The following PTPRN2 variants were observed in gnomAD, a reference collection of about 807,000 sequenced individuals.
PTPRN2 encodes the protein receptor-type tyrosine-protein phosphatase N2.
A neutral mutation model predicts 118.8 loss-of-function variants in PTPRN2; 74 were observed. That is an observed-to-expected ratio of 0.62 (90% confidence interval 0.52 to 0.76). PTPRN2 has a LOEUF of 0.76. Ranked by LOEUF, PTPRN2 falls within the 30% of genes least tolerant of loss-of-function variation. PTPRN2 has a pLI of 0.00. For missense variants in PTPRN2, 1,481 were observed against 1,394.4 expected (o/e 1.06, Z -0.99); for synonymous variants, 641 against 608.0 (o/e 1.05, Z -0.80).
chr7:158,319,825 T>TCA (rs1230189338), intron 2 of PTPRN2, among the ~76,000 whole-genome samples: 90 of 3,710 alleles, frequency 0.024, 37 homozygotes, highest in African/African-American at 0.17. Flanking sequence ...TCACACACAC[T>TCA]CAGTCTCCCT....
At chr7:157,600,569 T>C (rs1489445811) in intron 16 of PTPRN2, among the ~76,000 whole-genome samples, 1 of 152,170 alleles carries the variant, frequency 6.6e-6, no homozygotes, top group East Asian at 1.9e-4. Flanking sequence ...CCACCATGCC[T>C]GGCTAGTTTC....
At chr7:157,829,305 CA>C (rs1413515955) in intron 12 of PTPRN2, among the ~76,000 whole-genome samples, 1 of 152,246 alleles carries the variant, frequency 6.6e-6, no homozygotes, top group East Asian at 1.9e-4. Flanking sequence ...CACGGTGGCG[CA>C]AAAGAGATGA....
At chr7:158,317,677 G>A (rs1802447948) in intron 2 of PTPRN2, among the ~76,000 whole-genome samples, 2 of 152,180 alleles carry the variant, frequency 1.3e-5, no homozygotes, top group African/African-American at 2.4e-5. Flanking sequence ...TAATTCAGGC[G>A]CTACTGCTTC....
intron 14 of PTPRN2, among the ~76,000 whole-genome samples, chr7:157,653,088 C>T (rs1805779388): frequency 1.3e-5 from 2 of 152,228 alleles, no homozygotes; most frequent in South Asian, 4.1e-4. Context: ...CAGAAAGTCT[C>T]CGCTCTTGGT....
At chr7:158,062,509 G>C (rs1484109564) in intron 11 of PTPRN2, among the ~76,000 whole-genome samples, 1 of 152,190 alleles carries the variant, frequency 6.6e-6, no homozygotes, top group South Asian at 2.1e-4. Flanking sequence ...TGCACCATGG[G>C]AGCCCCTCTC....
chr7:158,026,504 G>T (rs751928606), intron 11 of PTPRN2, among the ~76,000 whole-genome samples: 1 of 152,176 alleles, frequency 6.6e-6, no homozygotes, highest in African/African-American at 2.4e-5. Flanking sequence ...CTTATTGATC[G>T]AAATTATTCT....
At chr7:158,388,436 C>T (rs1023872167) in intron 2 of PTPRN2, among the ~76,000 whole-genome samples, 1 of 152,184 alleles carries the variant, frequency 6.6e-6, no homozygotes. Context: ...TTGGATGACA[C>T]AGAACTTGGG....
At chr7:158,495,329 T>C (rs1461978984) in intron 1 of PTPRN2, among the ~76,000 whole-genome samples, 1 of 152,172 alleles carries the variant, frequency 6.6e-6, no homozygotes, top group Non-Finnish European at 1.5e-5. Flanking sequence ...GATGCTCTTT[T>C]TAAACATCAT....
chr7:157,956,862 A>G (rs931099808), intron 11 of PTPRN2, among the ~76,000 whole-genome samples: 1 of 152,254 alleles, frequency 6.6e-6, no homozygotes, highest in Non-Finnish European at 1.5e-5. Flanking sequence ...TTTGGAATTT[A>G]CAAAAAGAAG....
chr7:158,196,695 G>A (rs919043385), intron 4 of PTPRN2, among the ~76,000 whole-genome samples: 1 of 152,176 alleles, frequency 6.6e-6, no homozygotes, highest in Non-Finnish European at 1.5e-5. Flanking sequence ...CACGGCTAGT[G>A]AGGATCTTGG....
intron 3 of PTPRN2, among the ~76,000 whole-genome samples, chr7:158,240,099 G>T (rs1248520304): frequency 6.6e-6 from 1 of 152,206 alleles, no homozygotes; most frequent in African/African-American, 2.4e-5. Context: ...GGCACTTGGG[G>T]CTTATGTGCA....
In PTPRN2 at chr7:158,587,670, C is replaced by T. The variant is rs766314993; in HGVS notation, c.-1G>A. 1 of 1,330,732 alleles carries T rather than the reference C, an allele frequency of 7.5e-7. No individual in the cohort carries two copies. The highest frequency in any genetic ancestry group is 1.9e-5 in the South Asian group (1 of 53,958). 82.4% of individuals were successfully genotyped at this position (1,330,732 alleles called of 1,614,324 possible). On this transcript the variant is annotated 5_prime_UTR_variant, in exon 1 of 23. Transcript: ENST00000389418. The stretch of plus-strand genomic sequence containing the variant: ...GCAGCAGCGGGAGCGGCGGCCCCAT[C>T]CCCGCGGCCTGGCCGGCGGCGCTCA...
At position 157,977,637 on chromosome 7, in the gene PTPRN2, C is replaced by G. The variant is rs1802851338; in HGVS notation, c.1724-78900G>C. Among the ~76,000 whole-genome samples, 1 of 151,376 alleles carries G rather than the reference C, an allele frequency of 6.6e-6. No homozygotes were observed. The highest frequency in any genetic ancestry group is 2.4e-5 in the African/African-American group (1 of 41,238). On this transcript the variant is annotated intron_variant, in intron 11 of 22. Transcript: ENST00000389418. This position sits in a 1 kb window ranked among gnomAD's most constrained non-coding sequence, Gnocchi z 4.6. ...TGTTCATGGAGTAGTGTACAAGGCC[C>G]CAGGTGGGATGAATTGAGCATGTTC...
In PTPRN2 at chr7:157,845,003, C is replaced by T. The variant is rs933588621; in HGVS notation, c.1788+53670G>A. Among the ~76,000 whole-genome samples, 8 of 151,604 alleles carry T rather than the reference C, an allele frequency of 5.3e-5. No homozygotes were observed. The highest frequency in any genetic ancestry group is 2.6e-4 in the Admixed American group (4 of 15,204). On this transcript the variant is annotated intron_variant, in intron 12 of 22. Transcript: ENST00000389418. The surrounding 1 kb of genome is among the most constrained non-coding windows in gnomAD (Gnocchi z 4.5). ...TGGTTTTCCAGCAAACCCTACAGAT[C>T]GGTTGGGATCCACCTGGTGACACCT...
intron 2 of PTPRN2, among the ~76,000 whole-genome samples, chr7:158,402,836 ACTGTCTGTCCCTTC>A (rs1417597294): frequency 6.6e-6 from 1 of 152,110 alleles, no homozygotes; most frequent in Non-Finnish European, 1.5e-5. Flanking sequence ...CAGGCCAGGG[ACTGTCTGTCCCTTC>A]CTGGCTTTGC....
At chr7:157,566,208 C>T (rs544334924) in intron 21 of PTPRN2, among the ~76,000 whole-genome samples, 20 of 152,320 alleles carry the variant, frequency 1.3e-4, no homozygotes, top group African/African-American at 3.6e-4. Flanking sequence ...TGGCACTGCC[C>T]GACTGCCCGG....
In PTPRN2 at chr7:157,845,797, C is replaced by T. The variant is rs1808765069; in HGVS notation, c.1788+52876G>A. Among the ~76,000 whole-genome samples the T allele has an allele frequency of 6.6e-6, 1 of 152,096 alleles. No homozygotes were observed. The highest frequency in any genetic ancestry group is 6.5e-5 in the Admixed American group (1 of 15,274). ...AGCAGGGCCATGGGCAGAGGAAGGA[C>T]AAGCAACGTGGGGCCATGGGGAGGG... On this transcript the variant is annotated intron_variant, in intron 12 of 22. Transcript: ENST00000389418. The surrounding 1 kb of genome is among the most constrained non-coding windows in gnomAD (Gnocchi z 4.5).
intron 12 of PTPRN2, among the ~76,000 whole-genome samples, chr7:157,827,838 C>G (rs188569617): frequency 6.6e-6 from 1 of 152,194 alleles, no homozygotes; most frequent in African/African-American, 2.4e-5. Context: ...CACCGTGTCA[C>G]GGGCTGTTCC....
intron 2 of PTPRN2, among the ~76,000 whole-genome samples, chr7:158,333,209 G>T (rs1307324176): frequency 7.3e-5 from 5 of 68,586 alleles, no homozygotes; most frequent in South Asian, 4.9e-4. Flanking sequence ...AAGAGCTGTC[G>T]CCCGCAGACG....
Sources: allele counts gnomAD v4.1 joint callset (sites outside exome capture counted in the v4.1 genomes callset), GRCh38; gene constraint gnomAD v4.1.1; non-coding constraint Gnocchi (gnomAD v3.1); transcripts MANE v1.5; gene names NCBI Gene and HGNC (gene_info 2026-07-23, HGNC 2026-07-21).